Variants in PCDH17 observed in about 807,000 individuals in gnomAD.
PCDH17 encodes protocadherin-17.
Under a neutral mutation model 67.7 loss-of-function variants are expected in PCDH17, and 21 were observed. That is an observed-to-expected ratio of 0.31 (90% CI 0.22 to 0.45). PCDH17 has a LOEUF of 0.45. PCDH17 is among the 20% of genes least tolerant of loss of function. The pLI, the probability that PCDH17 is intolerant of heterozygous loss-of-function variation, is 1.00. For missense variants in PCDH17, 1,471 were observed against 1,564.8 expected, an observed-to-expected ratio of 0.94 and a Z score of 1.01; for synonymous variants, 701 against 656.7, an observed-to-expected ratio of 1.07 and a Z score of -1.03.
rs771759773 is a variant in PCDH17, at chr13:57,666,651, T to G, written c.2625-10T>G. On this transcript the variant is annotated splice_polypyrimidine_tract_variant and intron_variant, in intron 2 of 3. Transcript: ENST00000377918. ...ACACTTTCTCTTCTTTTTCTTTATA[T>G]GTATTTCAGTAGCTCCACGTTTAAG... is the stretch of plus-strand genomic sequence containing the variant. 2 of 1,609,574 alleles carry G rather than the reference T, an allele frequency of 1.2e-6. No individual in the cohort carries two copies. The highest frequency in any genetic ancestry group is 1.3e-5 in the African/African-American group (1 of 74,576).
chr13:57,725,377 T>C lies in PCDH17; in HGVS notation c.*83T>C, dbSNP rs1421849403. The stretch of plus-strand genomic sequence containing the variant: ...GATCCCTCCTGGTGATAACCCATTT[T>C]ACAGGGATGAAGAAAGACCAATGCT... On this transcript the variant is annotated 3_prime_UTR_variant, in exon 4 of 4. Transcript: ENST00000377918. 5 of 1,251,542 alleles carry C rather than the reference T, an allele frequency of 4.0e-6. No homozygotes were observed. Among genetic ancestry groups the C allele is most frequent in the Non-Finnish European group, 5.5e-6 (5 of 901,126 alleles). The allele number at this position is 1,251,542 out of a possible 1,614,324, so 77.5% of individuals were successfully genotyped here.
rs202145178 is a variant in PCDH17 at position 57,652,913 on chromosome 13, C to G, written c.2566-13555C>G. On this transcript the variant is annotated intron_variant, in intron 1 of 3. Transcript: ENST00000377918. ...GCTATAAAGTACTGCAACTTGGTTC[C>G]TAGATTGCAGGTCACTTTGGAGGAG... Among the ~76,000 whole-genome samples the G allele has an allele frequency of 2.0e-4, 31 of 152,160 alleles. No homozygotes were observed. The East Asian group carries it at 4.4e-3, about 22-fold the overall frequency.
chr13:57,661,496 A>G (rs1955183291), intron 1 of PCDH17, among the ~76,000 whole-genome samples: 1 of 152,122 alleles, frequency 6.6e-6, no homozygotes, highest in South Asian at 2.1e-4. Flanking sequence ...TCTTCTGTGG[A>G]TCATGCTTTG....
intron 3 of PCDH17, among the ~76,000 whole-genome samples, chr13:57,690,807 T>C (rs2138061271): frequency 6.6e-6 from 1 of 151,672 alleles, no homozygotes. Flanking sequence ...CTTTATCTCG[T>C]GCCGAGTATT....
intron 3 of PCDH17, among the ~76,000 whole-genome samples, chr13:57,682,911 A>C (rs920681766): frequency 6.6e-6 from 1 of 151,880 alleles, no homozygotes; most frequent in Non-Finnish European, 1.5e-5. Flanking sequence ...ACAACATTTA[A>C]TGACTATTCA....
At chr13:57,672,319 A>C (rs915632996) in intron 3 of PCDH17, among the ~76,000 whole-genome samples, 6 of 152,008 alleles carry the variant, frequency 3.9e-5, no homozygotes, top group Non-Finnish European at 7.4e-5. Context: ...TAATCAAAAT[A>C]GGCTTAGGCT....
At chr13:57,665,637 G>A (rs527431083) in intron 1 of PCDH17, among the ~76,000 whole-genome samples, 1 of 152,258 alleles carries the variant, frequency 6.6e-6, no homozygotes, top group African/African-American at 2.4e-5. Context: ...TGAATGTACA[G>A]TATAGGGAAA....
rs59643529 is a variant in PCDH17 at position 57,693,315 on chromosome 13, C to CATATATATATATATATATATATATAT, written c.2797+26487_2797+26512dup. Among the ~76,000 whole-genome samples the CATATATATATATATATATATATATAT allele has an allele frequency of 2.4e-4, 21 of 89,346 alleles. 1 individual carries two copies. The highest frequency in any genetic ancestry group is 1.0e-3 in the South Asian group (3 of 2,906). 58.6% of individuals were successfully genotyped at this position (89,346 alleles called of 152,430 possible). On this transcript the variant is annotated intron_variant, in intron 3 of 3. Coordinates refer to ENST00000377918, the MANE Select transcript of PCDH17 (RefSeq NM_001040429.3). ...CTTGGTATATTTGTTCACTTACATT[C>CATATATATATATATATATATATATAT]ATATATATATATATATATATATATA...
chr13:57,686,463 A>G (rs1479659646), intron 3 of PCDH17, among the ~76,000 whole-genome samples: 1 of 151,942 alleles, frequency 6.6e-6, no homozygotes, highest in African/African-American at 2.4e-5. Flanking sequence ...TGACTCTACA[A>G]ACAAATTGTA....
At chr13:57,673,008 C>G (rs1412260054) in intron 3 of PCDH17, among the ~76,000 whole-genome samples, 2 of 151,966 alleles carry the variant, frequency 1.3e-5, no homozygotes, top group Admixed American at 6.6e-5. Flanking sequence ...AGCTATACAT[C>G]TATGTGTAAG....
chr13:57,708,065 C>A (rs745451625), intron 3 of PCDH17, among the ~76,000 whole-genome samples: 2 of 151,956 alleles, frequency 1.3e-5, no homozygotes, highest in Admixed American at 6.6e-5. Flanking sequence ...TGGATGAGAT[C>A]AATTTTTCTG....
chr13:57,703,783 T>C (rs1410892987), intron 3 of PCDH17, among the ~76,000 whole-genome samples: 1 of 152,148 alleles, frequency 6.6e-6, no homozygotes, highest in East Asian at 1.9e-4. Context: ...TTTAGCATGT[T>C]TTTGTAAACT....
At chr13:57,677,112 AC>A (rs1359680359) in intron 3 of PCDH17, among the ~76,000 whole-genome samples, 1 of 151,864 alleles carries the variant, frequency 6.6e-6, no homozygotes, top group African/African-American at 2.4e-5. Context: ...TGTGACAGAT[AC>A]CGTTTCAAGT....
chr13:57,658,656 A>C (rs1955140864), intron 1 of PCDH17, among the ~76,000 whole-genome samples: 1 of 152,202 alleles, frequency 6.6e-6, no homozygotes, highest in Admixed American at 6.5e-5. Flanking sequence ...CTGTGAAATG[A>C]ATGCATCCAT....
At position 57,633,700 on chromosome 13, in the gene PCDH17, G is replaced by C. The variant is rs765834891; in HGVS notation, c.1154G>C (p.Gly385Ala). ...RVTDRDSGKN[G>A]QLQCRVLGGG... ...ACTGACCGGGACTCTGGCAAGAACG[G>C]ACAGCTGCAGTGTCGGGTCCTAGGC... Residue 385 changes from glycine to alanine, a missense_variant, in exon 1 of 4, where the codon GGA (glycine) becomes GCA (alanine). Gly to Ala is a moderately conservative substitution (Grantham distance 60). Transcript: ENST00000377918. The surrounding 1 kb of genome is among the most constrained non-coding windows in gnomAD (Gnocchi z 6.2). 6.2e-7 allele frequency: 1 copy of C among 1,603,216 alleles called. No homozygotes were observed. The highest frequency in any genetic ancestry group is 1.7e-5 in the Admixed American group (1 of 59,992).
At chr13:57,649,835 A>C (rs1955014283) in intron 1 of PCDH17, among the ~76,000 whole-genome samples, 1 of 152,160 alleles carries the variant, frequency 6.6e-6, no homozygotes, top group East Asian at 1.9e-4. Context: ...CTAGGGGAAG[A>C]GTTTCATACT....
chr13:57,722,770 T>C (rs939988695), intron 3 of PCDH17, among the ~76,000 whole-genome samples: 1 of 152,158 alleles, frequency 6.6e-6, no homozygotes, highest in Non-Finnish European at 1.5e-5. Flanking sequence ...CTCACCTGGC[T>C]AATTTAAATT....
chr13:57,680,256 ACTGT>A (rs763424783), intron 3 of PCDH17, among the ~76,000 whole-genome samples: 13 of 151,686 alleles, frequency 8.6e-5, no homozygotes, highest in Non-Finnish European at 1.3e-4. Context: ...TTGAAAGTGG[ACTGT>A]CTATCAGATG....
intron 3 of PCDH17, among the ~76,000 whole-genome samples, chr13:57,678,715 A>C (rs1185827731): frequency 6.6e-6 from 1 of 151,646 alleles, no homozygotes. Context: ...CACATGCGTC[A>C]AAAACACGTG....
Sources: allele counts gnomAD v4.1 joint callset (sites outside exome capture counted in the v4.1 genomes callset), GRCh38; gene constraint gnomAD v4.1.1; non-coding constraint Gnocchi (gnomAD v3.1); transcripts MANE v1.5; gene names NCBI Gene and HGNC (gene_info 2026-07-23, HGNC 2026-07-21).